Variants in ADA2 observed in about 807,000 individuals in gnomAD.
ADA2 encodes the protein adenosine deaminase 2, also known as adenosine deaminase CECR1.
In ADA2, 29 loss-of-function variants were observed where a neutral mutation model predicts 44.2. The ratio of observed to expected loss-of-function variants is 0.66; its 90% CI spans 0.49 to 0.89. ADA2 has a LOEUF of 0.89. Ranked by LOEUF, ADA2 falls within the 40% of genes least tolerant of loss-of-function variation. The pLI is 0.00. For missense variants in ADA2, 637 were observed against 644.8 expected (o/e 0.99, Z 0.13); for synonymous variants, 215 against 234.9 (o/e 0.92, Z 0.77).
intron 1 of ADA2, chr22:17,214,113 C>T: frequency 2.9e-6 from 2 of 698,180 alleles, no homozygotes; most frequent in South Asian, 1.4e-5. Context: ...GACACCTGGA[C>T]ACACTCACGG....
chr22:17,201,994 CG>C (rs1568983459), intron 4 of ADA2, among the ~76,000 whole-genome samples: 1 of 110,078 alleles, frequency 9.1e-6, no homozygotes, highest in Non-Finnish European at 1.7e-5. Context: ...TTTTTTGAGA[CG>C]GAGTCTCGCT....
At chr22:17,185,699 A>C (rs1240407511) in intron 7 of ADA2, among the ~76,000 whole-genome samples, 1 of 152,086 alleles carries the variant, frequency 6.6e-6, no homozygotes, top group Non-Finnish European at 1.5e-5. Context: ...ACTTTGATCT[A>C]AATTGGATCT....
At position 17,181,485 on chromosome 22, in the gene ADA2, A is replaced by ACTT; in HGVS notation, c.1531_1533dup (p.Lys511dup). The ACTT allele has an allele frequency of 6.2e-7, 1 of 1,606,538 alleles. No homozygotes were observed. On this transcript the variant is annotated inframe_insertion, in exon 10 of 10. Coordinates refer to ENST00000399837, the MANE Select transcript of ADA2 (RefSeq NM_001282225.2). ...GTAGAGGGCTGGCTAGCTTCTCCTC[A>ACTT]CTTTGTAGCCACATCTGCTATGAAC... is the stretch of plus-strand genomic sequence containing the variant.
chr22:17,213,654 G>A (rs1191860435), intron 1 of ADA2: 1 of 273,748 alleles, frequency 3.7e-6, no homozygotes, highest in East Asian at 1.3e-4. Flanking sequence ...AAAGAATGAG[G>A]AGGAGAAGCA....
chr22:17,192,568 C>T (rs1334797398), intron 4 of ADA2, among the ~76,000 whole-genome samples: 1 of 152,116 alleles, frequency 6.6e-6, no homozygotes, highest in African/African-American at 2.4e-5. Context: ...TGGCTCACAC[C>T]TGTAATCATA....
At chr22:17,193,004 C>A (rs760286454) in intron 4 of ADA2, 2 of 643,448 alleles carry the variant, frequency 3.1e-6, no homozygotes, top group East Asian at 6.0e-5. Flanking sequence ...TTAACCGTAA[C>A]TGGCGGAAAC....
In ADA2 at chr22:17,209,659, A is replaced by G. The variant is rs1255303834; in HGVS notation, c.19T>C (p.Ser7Pro). Residue 7 changes from serine to proline, a missense_variant, in exon 2 of 10, where the codon TCT (serine) becomes CCT (proline). By Grantham distance (74) the Ser-to-Pro change is moderately conservative. Transcript: ENST00000399837. MLVDGPSERPALCFLLL... is the reference protein window; with the variant it reads MLVDGPPERPALCFLLL... ...AAGAAGCACAGGGCTGGCCGCTCAG[A>G]TGGGCCATCCACCAACATCGGGATG... 2 of 1,612,816 alleles carry G rather than the reference A, an allele frequency of 1.2e-6. No individual in the cohort carries two copies. Among genetic ancestry groups the G allele is most frequent in the Admixed American group, 3.3e-5 (2 of 59,982 alleles).
intron 7 of ADA2, 150 bp from the exon 8 acceptor site, chr22:17,182,911 T>TAC (rs972359086): frequency 4.4e-6 from 3 of 676,320 alleles, no homozygotes; most frequent in South Asian, 1.9e-5. Context: ...TTAACACAAA[T>TAC]ACACACACAC....
intron 7 of ADA2, among the ~76,000 whole-genome samples, chr22:17,183,456 C>CT (rs1227906560): frequency 0.32 from 24,555 of 77,262 alleles, 3,953 homozygotes; most frequent in Non-Finnish European, 0.36. Context: ...TTGTGGCACT[C>CT]TTTTTTTTTT....
intron 5 of ADA2, 49 bp from the exon 6 acceptor site, chr22:17,190,081 G>C (rs748927460): frequency 1.4e-6 from 2 of 1,405,750 alleles, no homozygotes; most frequent in East Asian, 4.6e-5. Context: ...CACCGACAGA[G>C]CACAAACCCC....
intron 6 of ADA2, 197 bp from the exon 7 acceptor site, chr22:17,188,644 C>A (rs2062069713): frequency 2.5e-6 from 1 of 402,190 alleles, no homozygotes; most frequent in Middle Eastern, 7.1e-4. Context: ...CTTTGGGAGG[C>A]CGAGGCAGGC....
At chr22:17,208,787 A>T (rs559220382) in intron 2 of ADA2, among the ~76,000 whole-genome samples, 53 of 152,012 alleles carry the variant, frequency 3.5e-4, no homozygotes, top group African/African-American at 1.3e-3. Context: ...TGGGCAACAG[A>T]GTGAGACTCT....
In ADA2 at chr22:17,181,929, T is replaced by C; in HGVS notation, c.1333A>G (p.Met445Val). Residue 445 changes from methionine (M) to valine (V), a missense_variant, in exon 9 of 10, where the codon ATG (methionine) becomes GTG (valine). Physicochemically the swap from Met to Val is conservative, Grantham distance 21. Coordinates refer to ENST00000399837, the MANE Select transcript of ADA2 (RefSeq NM_001282225.2). Reference protein sequence around the residue: ...PMVISSDDPAMFGAKGLSYDF... With the variant: ...PMVISSDDPAVFGAKGLSYDF... ...TAGGACAAGCCTTTGGCACCAAACATAGCTGGGTCATCAGAGCTGATCACC... is the reference window on the plus strand; with the variant it reads ...TAGGACAAGCCTTTGGCACCAAACACAGCTGGGTCATCAGAGCTGATCACC... 6.2e-7 allele frequency: 1 copy of C among 1,614,044 alleles called. No homozygotes were observed. The highest frequency in any genetic ancestry group is 8.5e-7 in the Non-Finnish European group (1 of 1,179,962).
intron 4 of ADA2, among the ~76,000 whole-genome samples, chr22:17,194,172 C>T (rs2062160641): frequency 6.6e-6 from 1 of 152,180 alleles, no homozygotes; most frequent in African/African-American, 2.4e-5. Flanking sequence ...CAAGAGCTGC[C>T]TGGGGGCGGG....
intron 6 of ADA2, 60 bp downstream of exon 6, chr22:17,189,882 A>G: frequency 8.0e-7 from 1 of 1,254,106 alleles, no homozygotes; most frequent in Non-Finnish European, 1.2e-6. Context: ...CGCTCCACCC[A>G]GACAGGCATC....
At chr22:17,192,566 A>G (rs1342221858) in intron 4 of ADA2, among the ~76,000 whole-genome samples, 2 of 152,030 alleles carry the variant, frequency 1.3e-5, no homozygotes, top group African/African-American at 4.8e-5. Context: ...GGTGGCTCAC[A>G]CCTGTAATCA....
intron 7 of ADA2, among the ~76,000 whole-genome samples, chr22:17,184,170 T>TA (rs2062008914): frequency 1.3e-5 from 2 of 151,658 alleles, no homozygotes; most frequent in Admixed American, 1.3e-4. Flanking sequence ...TTCACTGTGT[T>TA]AGCCAGGATG....
At chr22:17,217,032 C>G (rs1183022224) in intron 1 of ADA2, among the ~76,000 whole-genome samples, 2 of 151,548 alleles carry the variant, frequency 1.3e-5, no homozygotes, top group African/African-American at 4.8e-5. Flanking sequence ...AAAACAGGAA[C>G]AGGAGGTGAT....
Position 17,207,072 on chromosome 22 carries a change from T to C in ADA2, c.541A>G (p.Ser181Gly). Reference sequence around the variant, plus strand: ...TGTGCTTTCTGAACTACTACTCACCTGTCATCAAACTCAGTGACGTTCTGC... The same window carrying C: ...TGTGCTTTCTGAACTACTACTCACCCGTCATCAAACTCAGTGACGTTCTGC... ...RVQNVTEFDDSLLRNFTLVTQ... is the reference protein window; with the variant it reads ...RVQNVTEFDDGLLRNFTLVTQ... The change falls in exon 3 of 10, where the codon AGC becomes GGC. Residue 181 changes from serine to glycine, a missense_variant and splice_region_variant. Coordinates refer to ENST00000399837, the MANE Select transcript of ADA2 (RefSeq NM_001282225.2). The C allele has an allele frequency of 6.2e-7, 1 of 1,613,378 alleles. No homozygotes were observed. The highest frequency in any genetic ancestry group is 8.5e-7 in the Non-Finnish European group (1 of 1,179,318).
Sources: gnomAD v4.1 joint callset for allele counts (sites outside exome capture counted in the v4.1 genomes callset) on GRCh38, gnomAD v4.1.1 for gene constraint, MANE v1.5 for transcripts, NCBI Gene and HGNC (gene_info 2026-07-23, HGNC 2026-07-21) for gene names.